The following KIF16B variants were observed in gnomAD, a reference collection of about 807,000 sequenced individuals.
KIF16B encodes the protein kinesin-like protein KIF16B.
KIF16B carries 98 observed loss-of-function variants against 156.3 expected under a neutral mutation model. That is an observed-to-expected ratio of 0.63 (90% confidence interval 0.53 to 0.74). The LOEUF (loss-of-function observed/expected upper bound fraction) is 0.74. Among genes scored for constraint, KIF16B ranks in the 30% least tolerant of loss-of-function variants. KIF16B has a pLI of 0.00. For missense variants in KIF16B, 1,421 were observed against 1,606.5 expected, an observed-to-expected ratio of 0.88 and a Z score of 1.97; for synonymous variants, 564 against 583.7, an observed-to-expected ratio of 0.97 and a Z score of 0.49.
intron 24 of KIF16B, among the ~76,000 whole-genome samples, chr20:16,335,436 A>G (rs1372377961): frequency 2.0e-5 from 3 of 152,188 alleles, no homozygotes; most frequent in Admixed American, 2.0e-4. Flanking sequence ...ATAATTCTGC[A>G]TTTTCTATCT....
intron 1 of KIF16B, among the ~76,000 whole-genome samples, chr20:16,568,776 C>T (rs747598085): frequency 3.0e-5 from 4 of 133,120 alleles, no homozygotes; most frequent in Non-Finnish European, 4.6e-5. Context: ...CACGACTCTG[C>T]GCCACTGCAC....
At chr20:16,351,527 A>T (rs920420300) in intron 23 of KIF16B, among the ~76,000 whole-genome samples, 2 of 151,920 alleles carry the variant, frequency 1.3e-5, no homozygotes, top group East Asian at 3.8e-4. Flanking sequence ...TGGCAGGTGC[A>T]GCTGAGCGCA....
intron 25 of KIF16B, among the ~76,000 whole-genome samples, chr20:16,277,522 TATTAGTAATTTTTA>T (rs1278858982): frequency 2.7e-5 from 4 of 150,798 alleles, no homozygotes; most frequent in African/African-American, 4.9e-5. Flanking sequence ...CACACATTCA[TATTAGTAATTTTTA>T]TTGCCTGTGC....
At chr20:16,397,477 A>T (rs1343009912) in intron 17 of KIF16B, among the ~76,000 whole-genome samples, 1 of 152,218 alleles carries the variant, frequency 6.6e-6, no homozygotes, top group Non-Finnish European at 1.5e-5. Context: ...TTAAAACTGC[A>T]AATCTTACTA....
intron 25 of KIF16B, among the ~76,000 whole-genome samples, chr20:16,284,911 C>T (rs112192875): frequency 1.1e-3 from 160 of 152,290 alleles, no homozygotes; most frequent in African/African-American, 3.4e-3. Flanking sequence ...GGTGAGCACG[C>T]GCCCTCCCAC....
chr20:16,439,837 C>T lies in KIF16B; in HGVS notation c.1303-9855G>A, dbSNP rs533110395. ...ACCATCAGATCTCTTGAGACTTATT[C>T]GCTATCATGAGAACAGCACAGGAAA... is the stretch of plus-strand genomic sequence containing the variant. On this transcript the variant is annotated intron_variant, in intron 12 of 25. Transcript: ENST00000354981. Among the ~76,000 whole-genome samples, 6 of 152,220 alleles carry T rather than the reference C, an allele frequency of 3.9e-5. No homozygotes were observed. The South Asian group carries it at 8.3e-4, about 21-fold the overall frequency.
At chr20:16,569,468 T>G (rs1434004970) in intron 1 of KIF16B, among the ~76,000 whole-genome samples, 2 of 152,210 alleles carry the variant, frequency 1.3e-5, no homozygotes, top group Non-Finnish European at 2.9e-5. Context: ...TGCCACATAA[T>G]TGAAAGCCAT....
At chr20:16,388,085 GC>G (rs2146137846) in intron 17 of KIF16B, among the ~76,000 whole-genome samples, 1 of 152,250 alleles carries the variant, frequency 6.6e-6, no homozygotes, top group African/African-American at 2.4e-5. Flanking sequence ...AAAGCAAAAT[GC>G]CTTTAGTAAA....
At chr20:16,508,349 C>T (rs1188223577) in intron 6 of KIF16B, among the ~76,000 whole-genome samples, 1 of 152,278 alleles carries the variant, frequency 6.6e-6, no homozygotes, top group Non-Finnish European at 1.5e-5. Context: ...CCTCACTGTG[C>T]CTCAGTTACC....
At position 16,273,328 on chromosome 20, in the gene KIF16B, C is replaced by T. The variant is rs369790222; in HGVS notation, c.3879G>A (p.Ser1293=). The T allele has an allele frequency of 6.8e-6, 11 of 1,613,616 alleles. No individual in the cohort carries two copies. Among genetic ancestry groups the T allele is most frequent in the Admixed American group, 1.7e-5 (1 of 60,002 alleles). Residue 1293 remains serine (S), a synonymous_variant, in exon 26 of 26, where the codon TCG becomes TCA. Coordinates refer to ENST00000354981, the MANE Select transcript of KIF16B (RefSeq NM_024704.5). ...LHINKVGLTL[S]KHTICEFSPF... is the part of the protein sequence containing the mutation. ...GTGAAAACTCACAAATGGTATGTTT[C>T]GAGAGAGTCAGTCCCACTTTGTTGA...
chr20:16,570,776 C>T (rs75324139), intron 1 of KIF16B, among the ~76,000 whole-genome samples: 1,875 of 152,300 alleles, frequency 0.012, 43 homozygotes, highest in African/African-American at 0.043. Context: ...CCTTTCCTGC[C>T]ATGACCATTT....
At chr20:16,374,883 G>A (rs770433404) in intron 19 of KIF16B, among the ~76,000 whole-genome samples, 1 of 152,212 alleles carries the variant, frequency 6.6e-6, no homozygotes, top group Non-Finnish European at 1.5e-5. Context: ...CCAGAGGCCA[G>A]TGGGAATGTT....
chr20:16,404,567 G>C (rs964323755), intron 17 of KIF16B, among the ~76,000 whole-genome samples: 1 of 152,124 alleles, frequency 6.6e-6, no homozygotes, highest in Admixed American at 6.5e-5. Context: ...CAACACTCAC[G>C]AATGCTTATT....
At chr20:16,334,467 T>C (rs2122938014) in intron 24 of KIF16B, among the ~76,000 whole-genome samples, 1 of 152,328 alleles carries the variant, frequency 6.6e-6, no homozygotes, top group Middle Eastern at 3.4e-3. Flanking sequence ...GGGAACAAAT[T>C]CCCACTTGAA....
chr20:16,454,191 T>C (rs1227683868), intron 12 of KIF16B, among the ~76,000 whole-genome samples: 1 of 152,146 alleles, frequency 6.6e-6, no homozygotes, highest in Non-Finnish European at 1.5e-5. Context: ...TAGTTTCTTT[T>C]TTGTAGCAAG....
At chr20:16,544,806 C>CAT (rs1352649478) in intron 1 of KIF16B, among the ~76,000 whole-genome samples, 2 of 151,982 alleles carry the variant, frequency 1.3e-5, no homozygotes, top group African/African-American at 4.8e-5. Context: ...TCCTGCTCTT[C>CAT]ATATATTTCA....
At chr20:16,414,106 T>A (rs2066027655) in intron 15 of KIF16B, among the ~76,000 whole-genome samples, 1 of 152,068 alleles carries the variant, frequency 6.6e-6, no homozygotes, top group African/African-American at 2.4e-5. Context: ...AGTAATATGT[T>A]CTAGGGCCTT....
intron 22 of KIF16B, chr20:16,369,181 C>T (rs1349254262): frequency 1.0e-6 from 1 of 985,714 alleles, no homozygotes; most frequent in Admixed American, 6.2e-5. Context: ...CACCTCCCTC[C>T]TCTCCTCTTT....
intron 12 of KIF16B, among the ~76,000 whole-genome samples, chr20:16,477,283 C>A (rs1172788857): frequency 6.8e-6 from 1 of 146,576 alleles, no homozygotes; most frequent in African/African-American, 2.5e-5. Context: ...TTCTAACATT[C>A]TATGTTCTAT....
Sources: gnomAD v4.1 joint callset for allele counts (sites outside exome capture counted in the v4.1 genomes callset) on GRCh38, gnomAD v4.1.1 for gene constraint, MANE v1.5 for transcripts, NCBI Gene and HGNC (gene_info 2026-07-23, HGNC 2026-07-21) for gene names.